BUB1: variants seen among roughly 807,000 people sequenced by gnomAD.
The protein encoded by BUB1 is mitotic checkpoint serine/threonine-protein kinase BUB1.
Under a neutral mutation model 135.2 loss-of-function variants are expected in BUB1, and 84 were observed. That is an observed-to-expected ratio of 0.62 (90% CI 0.52 to 0.74). BUB1 has a LOEUF of 0.74. Among genes scored for constraint, BUB1 ranks in the 30% least tolerant of loss-of-function variants. The pLI is 0.00. For missense variants in BUB1, 1,162 were observed against 1,288.3 expected, an observed-to-expected ratio of 0.90 and a Z score of 1.50; for synonymous variants, 403 against 434.4, an observed-to-expected ratio of 0.93 and a Z score of 0.90.
intron 19 of BUB1, 45 bp from the exon 20 acceptor site, chr2:110,642,279 T>C: frequency 7.7e-7 from 1 of 1,291,782 alleles, no homozygotes; most frequent in Non-Finnish European, 1.1e-6. Context: ...GCCTTTTATT[T>C]TAAATAGTTT....
chr2:110,649,147 T>TCA (rs34802999), intron 19 of BUB1, 87 bp downstream of exon 19: 297,093 of 1,124,984 alleles, frequency 0.26, 13,246 homozygotes, highest in Non-Finnish European at 0.28. Flanking sequence ...AATAGGAGAA[T>TCA]CACACACACA....
Position 110,642,190 on chromosome 2 carries a change from A to G in BUB1, c.2392T>C (p.Phe798Leu). 3 of 1,613,742 alleles carry G rather than the reference A, an allele frequency of 1.9e-6. No individual in the cohort carries two copies. Among genetic ancestry groups the G allele is most frequent in the Non-Finnish European group, 2.5e-6 (3 of 1,179,852 alleles). The change falls in exon 20 of 25, where the codon TTT becomes CTT. Residue 798 changes from phenylalanine (F) to leucine (L), a missense_variant. Physicochemically the swap from Phe to Leu is conservative, Grantham distance 22. Transcript: ENST00000302759. ...YVHHLLGEGA[F>L]AQVYEATQGD... is the part of the protein sequence containing the mutation. ...TGGGTAGCTTCGTACACCTGGGCAAAGGCTCCTTCTCCAAGAAGGTGATGG... is the reference window on the plus strand; with the variant it reads ...TGGGTAGCTTCGTACACCTGGGCAAGGGCTCCTTCTCCAAGAAGGTGATGG...
intron 11 of BUB1, 152 bp from the exon 12 acceptor site, chr2:110,658,894 T>C: frequency 1.0e-6 from 1 of 975,436 alleles, no homozygotes. Flanking sequence ...TTCATATATT[T>C]CATTTTTATC....
At chr2:110,642,649 T>C (rs1689535888) in intron 19 of BUB1, 1 of 152,932 alleles carries the variant, frequency 6.5e-6, no homozygotes, top group Admixed American at 6.5e-5. Flanking sequence ...TACTTTGGAG[T>C]TATTGGATTT....
At chr2:110,639,265 A>G (rs924266102) in intron 24 of BUB1, among the ~76,000 whole-genome samples, 1 of 152,124 alleles carries the variant, frequency 6.6e-6, no homozygotes, top group African/African-American at 2.4e-5. Flanking sequence ...CAAGAAACAC[A>G]GGGCTAGGAC....
chr2:110,666,556 C>T (rs996914171), intron 8 of BUB1, 142 bp from the exon 9 acceptor site: 18 of 534,866 alleles, frequency 3.4e-5, no homozygotes, highest in Non-Finnish European at 4.7e-5. Flanking sequence ...AGAAGTGAAA[C>T]TTGTATTACC....
At chr2:110,644,220 C>T (rs973196921) in intron 19 of BUB1, among the ~76,000 whole-genome samples, 3 of 151,922 alleles carry the variant, frequency 2.0e-5, no homozygotes, top group Non-Finnish European at 4.4e-5. Context: ...TGCAGCGGCT[C>T]ACACCTGTAA....
At chr2:110,670,290 C>G (rs542799958) in intron 5 of BUB1, among the ~76,000 whole-genome samples, 56 of 151,906 alleles carry the variant, frequency 3.7e-4, no homozygotes, top group Admixed American at 3.0e-3. Flanking sequence ...AGATGCCCAC[C>G]ACCACACCTG....
intron 4 of BUB1, 126 bp from the exon 5 acceptor site, chr2:110,670,694 T>A: frequency 1.2e-6 from 1 of 866,780 alleles, no homozygotes; most frequent in African/African-American, 1.7e-5. Flanking sequence ...AGAGAGAATG[T>A]ACAGTTGCAT....
At chr2:110,668,717 A>G (rs993063819) in intron 6 of BUB1, among the ~76,000 whole-genome samples, 1 of 152,214 alleles carries the variant, frequency 6.6e-6, no homozygotes, top group African/African-American at 2.4e-5. Flanking sequence ...CTTGATGAGG[A>G]TAAGGACAAG....
At chr2:110,641,930 A>C (rs1028875497) in intron 20 of BUB1, 127 bp from the exon 21 acceptor site, 2 of 1,167,640 alleles carry the variant, frequency 1.7e-6, no homozygotes, top group Non-Finnish European at 2.4e-6. Flanking sequence ...CTGTTGCTGC[A>C]ATGTGGGGCT....
In BUB1 at chr2:110,661,851, T is replaced by TAAAC; in HGVS notation, c.958-14_958-11dup. 1 of 1,610,412 alleles carries TAAAC rather than the reference T, an allele frequency of 6.2e-7. No individual in the cohort carries two copies. The highest frequency in any genetic ancestry group is 8.5e-7 in the Non-Finnish European group (1 of 1,178,070). ...TACGTGCTGGATTAACCTTTCATAT[T>TAAAC]AAACAAACAAACAACAAAAACAAAA... On this transcript the variant is annotated splice_polypyrimidine_tract_variant and intron_variant, in intron 9 of 24. Coordinates refer to ENST00000302759, the MANE Select transcript of BUB1 (RefSeq NM_004336.5).
chr2:110,641,125 A>G lies in BUB1; in HGVS notation c.2864T>C (p.Leu955Pro). The change falls in exon 23 of 25, where the codon CTT becomes CCT. Residue 955 changes from leucine (L) to proline (P), a missense_variant. Coordinates refer to ENST00000302759, the MANE Select transcript of BUB1 (RefSeq NM_004336.5). ...TGTGAATATAGTTCCTTTTGGAAAA[A>G]GTTTCATATCTATACTCTGACCCAG... ...IDLGQSIDMKLFPKGTIFTAK... is the reference protein window; with the variant it reads ...IDLGQSIDMKPFPKGTIFTAK... 1 of 1,613,716 alleles carries G rather than the reference A, an allele frequency of 6.2e-7. No homozygotes were observed. Among genetic ancestry groups the G allele is most frequent in the East Asian group, 2.2e-5 (1 of 44,872 alleles).
chr2:110,657,462 TCA>T (rs1176303902), intron 14 of BUB1, 82 bp downstream of exon 14: 1 of 996,224 alleles, frequency 1.0e-6, no homozygotes, highest in African/African-American at 1.7e-5. Flanking sequence ...GATTGGCAGT[TCA>T]CATTCTCTCC....
chr2:110,664,798 G>A (rs1046653380), intron 9 of BUB1, among the ~76,000 whole-genome samples: 1 of 152,022 alleles, frequency 6.6e-6, no homozygotes, highest in African/African-American at 2.4e-5. Flanking sequence ...ATAGAAAAAT[G>A]GACAAAGCCA....
chr2:110,677,898 G>C, intron 1 of BUB1, 72 bp downstream of exon 1: 2 of 1,529,694 alleles, frequency 1.3e-6, no homozygotes, highest in Non-Finnish European at 1.8e-6. Flanking sequence ...AGGCAGGTCT[G>C]GGGCGGGCCG....
At chr2:110,647,845 T>C (rs1689682813) in intron 19 of BUB1, among the ~76,000 whole-genome samples, 1 of 152,126 alleles carries the variant, frequency 6.6e-6, no homozygotes, top group Non-Finnish European at 1.5e-5. Context: ...TCAAACAAGA[T>C]TGAGATATCA....
At chr2:110,670,221 C>A (rs1213480077) in intron 5 of BUB1, among the ~76,000 whole-genome samples, 1 of 150,360 alleles carries the variant, frequency 6.7e-6, no homozygotes, top group African/African-American at 2.5e-5. Context: ...TCACTGCAAC[C>A]TCTGCCTCCC....
intron 16 of BUB1, among the ~76,000 whole-genome samples, chr2:110,655,301 G>T (rs1422208078): frequency 1.3e-5 from 2 of 152,086 alleles, no homozygotes; most frequent in Non-Finnish European, 2.9e-5. Flanking sequence ...TATGTGTGTA[G>T]ACACACATCT....
Sources: gnomAD v4.1 joint callset for allele counts (sites outside exome capture counted in the v4.1 genomes callset) on GRCh38, gnomAD v4.1.1 for gene constraint, MANE v1.5 for transcripts, NCBI Gene and HGNC (gene_info 2026-07-23, HGNC 2026-07-21) for gene names.